The following ZBTB20 variants were observed in gnomAD, a reference collection of about 807,000 sequenced individuals.
The protein encoded by ZBTB20 is zinc finger and BTB domain containing 20.
A neutral mutation model predicts 56.9 loss-of-function variants in ZBTB20; 9 were observed. The observed-to-expected ratio is 0.16, with a 90% CI of 0.10 to 0.28. The LOEUF is 0.28. Ranked by LOEUF, ZBTB20 falls within the 10% of genes least tolerant of loss-of-function variation. The pLI is 1.00. For synonymous variants in ZBTB20, 417 were observed against 420.7 expected, an observed-to-expected ratio of 0.99 and a Z score of 0.11; for missense variants, 655 against 1,003.0, an observed-to-expected ratio of 0.65 and a Z score of 4.69.
Position 114,852,106 on chromosome 3 carries a change from T to A in ZBTB20, c.-417+48198A>T, listed in dbSNP as rs188465882. ...TTCTTCTCCTTCCTCTCCCAGCTTT[T>A]TGCTTCCTATATGGTTTTTGGTCCC... On this transcript the variant is annotated intron_variant, in intron 4 of 11. Transcript: ENST00000675478. Among the ~76,000 whole-genome samples, 3 of 152,150 alleles carry A rather than the reference T, an allele frequency of 2.0e-5. No individual in the cohort carries two copies. The East Asian group carries it at 5.8e-4, about 29-fold the overall frequency.
intron 6 of ZBTB20, among the ~76,000 whole-genome samples, chr3:114,656,683 T>G (rs1047969344): frequency 6.6e-6 from 1 of 152,214 alleles, no homozygotes; most frequent in Non-Finnish European, 1.5e-5. Flanking sequence ...ACTTTTTACT[T>G]ATTTTTGAAA....
At chr3:114,607,406 G>A (rs1406079850) in intron 6 of ZBTB20, among the ~76,000 whole-genome samples, 1 of 150,982 alleles carries the variant, frequency 6.6e-6, no homozygotes, top group Non-Finnish European at 1.5e-5. Flanking sequence ...GGGTTCAAGC[G>A]ATTCTCCTGC....
chr3:114,563,933 T>G (rs78282053), intron 6 of ZBTB20, among the ~76,000 whole-genome samples: 23,275 of 152,184 alleles, frequency 0.15, 2,133 homozygotes, highest in Admixed American at 0.28. Flanking sequence ...TGTAACAAAT[T>G]AGCACAAACT....
intron 6 of ZBTB20, among the ~76,000 whole-genome samples, chr3:114,671,802 T>C (rs896495322): frequency 3.9e-5 from 6 of 152,034 alleles, no homozygotes; most frequent in African/African-American, 1.4e-4. Flanking sequence ...ACCTAAGGAG[T>C]ACATGCATTT....
intron 2 of ZBTB20, among the ~76,000 whole-genome samples, chr3:115,063,581 C>G (rs143737988): frequency 3.0e-3 from 449 of 152,190 alleles, no homozygotes; most frequent in Non-Finnish European, 4.4e-3. Context: ...TGAGGTGACA[C>G]AAACATTCAG....
At chr3:114,441,611 C>T (rs767555134) in intron 7 of ZBTB20, among the ~76,000 whole-genome samples, 6 of 152,070 alleles carry the variant, frequency 3.9e-5, no homozygotes, top group African/African-American at 9.7e-5. Flanking sequence ...TGTTTGGGGA[C>T]GACGCGCGGT....
intron 7 of ZBTB20, among the ~76,000 whole-genome samples, chr3:114,448,196 T>G (rs892983757): frequency 6.6e-6 from 1 of 151,896 alleles, no homozygotes; most frequent in African/African-American, 2.4e-5. Context: ...AGTATTGTTG[T>G]GGCATTGGGA....
chr3:114,479,179 T>C (rs1245650092), intron 7 of ZBTB20, among the ~76,000 whole-genome samples: 1 of 152,192 alleles, frequency 6.6e-6, no homozygotes, highest in East Asian at 1.9e-4. Flanking sequence ...TGCTAGCCTG[T>C]TACTCAGTTA....
At chr3:114,675,757 A>C (rs1160749400) in intron 6 of ZBTB20, among the ~76,000 whole-genome samples, 1 of 152,102 alleles carries the variant, frequency 6.6e-6, no homozygotes, top group Non-Finnish European at 1.5e-5. Context: ...TAGTGTTCTA[A>C]TGATCCACAC....
intron 5 of ZBTB20, among the ~76,000 whole-genome samples, chr3:114,721,871 A>T (rs2064940657): frequency 6.6e-6 from 1 of 152,204 alleles, no homozygotes; most frequent in African/African-American, 2.4e-5. Context: ...AATAAAGAAG[A>T]TCTTCTTGAC....
At chr3:114,712,949 G>T (rs1468165038) in intron 5 of ZBTB20, among the ~76,000 whole-genome samples, 3 of 152,004 alleles carry the variant, frequency 2.0e-5, no homozygotes, top group Non-Finnish European at 4.4e-5. Flanking sequence ...CCCTAATAAT[G>T]GTATAACCTG....
At chr3:114,471,431 A>G (rs2040116217) in intron 7 of ZBTB20, among the ~76,000 whole-genome samples, 2 of 152,190 alleles carry the variant, frequency 1.3e-5, no homozygotes, top group Admixed American at 6.5e-5. Context: ...AGGTAAATTC[A>G]AAGATCAATA....
At chr3:115,059,969 G>A (rs1246922452) in intron 2 of ZBTB20, among the ~76,000 whole-genome samples, 2 of 151,974 alleles carry the variant, frequency 1.3e-5, no homozygotes, top group Non-Finnish European at 2.9e-5. Flanking sequence ...TTTCATCTTT[G>A]AATAACCTGA....
intron 5 of ZBTB20, among the ~76,000 whole-genome samples, chr3:114,695,507 G>A (rs1227971886): frequency 6.6e-6 from 1 of 151,730 alleles, no homozygotes; most frequent in Non-Finnish European, 1.5e-5. Context: ...GACAACAAGA[G>A]GCAGGGAAAA....
intron 6 of ZBTB20, among the ~76,000 whole-genome samples, chr3:114,515,081 T>C (rs562942000): frequency 1.8e-4 from 27 of 152,292 alleles, no homozygotes; most frequent in African/African-American, 6.3e-4. Flanking sequence ...GAATCCAGTC[T>C]ATGCCCTGTA....
At chr3:114,541,929 C>T (rs2049160362) in intron 6 of ZBTB20, among the ~76,000 whole-genome samples, 1 of 152,224 alleles carries the variant, frequency 6.6e-6, no homozygotes, top group East Asian at 1.9e-4. Flanking sequence ...GTAACACATG[C>T]TCTTTAAAAC....
intron 4 of ZBTB20, among the ~76,000 whole-genome samples, chr3:114,817,519 A>AT (rs2073008211): frequency 1.0e-5 from 1 of 95,758 alleles, no homozygotes. Flanking sequence ...ACTCTGTCTC[A>AT]AAAATAAATA....
intron 7 of ZBTB20, among the ~76,000 whole-genome samples, chr3:114,406,789 A>G (rs1434066775): frequency 6.6e-6 from 1 of 152,206 alleles, no homozygotes; most frequent in Non-Finnish European, 1.5e-5. Flanking sequence ...GATATAAAAA[A>G]GCAAGCTATA....
chr3:114,377,756 A>G (rs1010659039), intron 10 of ZBTB20, among the ~76,000 whole-genome samples: 1 of 152,164 alleles, frequency 6.6e-6, no homozygotes, highest in African/African-American at 2.4e-5. Flanking sequence ...CAAATGAGTT[A>G]ACCACAAGCG....
Sources: allele counts gnomAD v4.1 joint callset (sites outside exome capture counted in the v4.1 genomes callset), GRCh38; gene constraint gnomAD v4.1.1; transcripts MANE v1.5; gene names NCBI Gene and HGNC (gene_info 2026-07-23, HGNC 2026-07-21).